The following ARB2A variants were observed in gnomAD, a reference collection of about 807,000 sequenced individuals.
ARB2A encodes cotranscriptional regulator ARB2A.
At chr5:94,028,938 T>C in the ARB2A span, among the ~76,000 whole-genome samples, 1 of 152,164 alleles carries the variant, frequency 6.6e-6, no homozygotes, top group Non-Finnish European at 1.5e-5. Flanking sequence ...GTATTTTTAT[T>C]AGTTTTTAAA....
chr5:93,891,872 T>C, the ARB2A span, among the ~76,000 whole-genome samples: 1 of 152,182 alleles, frequency 6.6e-6, no homozygotes, highest in African/African-American at 2.4e-5. Context: ...AGGGGTGATA[T>C]GCATGTGCTC....
At chr5:93,861,119 A>G in the ARB2A span, 3 of 152,232 alleles carry the variant, frequency 2.0e-5, no homozygotes, top group Admixed American at 2.0e-4. Context: ...TATTCTTTTA[A>G]GTATTTCTTT....
At chr5:94,106,063 C>A in the ARB2A span, among the ~76,000 whole-genome samples, 1 of 151,786 alleles carries the variant, frequency 6.6e-6, no homozygotes, top group Admixed American at 6.6e-5. Context: ...CATTCTGAAT[C>A]TAGGCCCTGG....
At chr5:93,617,831 T>C in the ARB2A span, among the ~76,000 whole-genome samples, 134 of 152,306 alleles carry the variant, frequency 8.8e-4, no homozygotes, top group African/African-American at 3.1e-3. Flanking sequence ...ATATTTTAGA[T>C]ATTAAAAACA....
the ARB2A span, among the ~76,000 whole-genome samples, chr5:94,016,224 G>C: frequency 1.3e-5 from 2 of 152,146 alleles, no homozygotes; most frequent in South Asian, 4.1e-4. Context: ...GGTCAATTCA[G>C]CAAAAGGAGA....
the ARB2A span, among the ~76,000 whole-genome samples, chr5:94,087,770 T>C: frequency 6.6e-6 from 1 of 152,230 alleles, no homozygotes; most frequent in Non-Finnish European, 1.5e-5. Flanking sequence ...TCTATGTTTA[T>C]ATACGTTTAA....
chr5:94,106,010 A>C, the ARB2A span, among the ~76,000 whole-genome samples: 2 of 152,120 alleles, frequency 1.3e-5, no homozygotes, highest in East Asian at 3.9e-4. Flanking sequence ...TTACATGTAA[A>C]GCCTTAAACT....
chr5:94,020,920 T>C, the ARB2A span, among the ~76,000 whole-genome samples: 1 of 152,062 alleles, frequency 6.6e-6, no homozygotes, highest in South Asian at 2.1e-4. Flanking sequence ...AGCAACATAG[T>C]GCATCCTGTT....
the ARB2A span, among the ~76,000 whole-genome samples, chr5:93,771,783 A>ATG: frequency 9.2e-5 from 14 of 152,202 alleles, no homozygotes; most frequent in Admixed American, 9.2e-4. Context: ...TTAGAATGGC[A>ATG]ATCATTAAAA....
chr5:93,856,545 C>CT, the ARB2A span, among the ~76,000 whole-genome samples: 1 of 152,200 alleles, frequency 6.6e-6, no homozygotes, highest in Non-Finnish European at 1.5e-5. Context: ...TCTTCCATCA[C>CT]TGATAGCCTT....
chr5:93,932,841 T>C, the ARB2A span, among the ~76,000 whole-genome samples: 18 of 152,214 alleles, frequency 1.2e-4, no homozygotes, highest in African/African-American at 3.6e-4. Flanking sequence ...TATCCTTTAG[T>C]TGGAAACACA....
At chr5:94,086,874 CA>C in the ARB2A span, among the ~76,000 whole-genome samples, 1 of 152,102 alleles carries the variant, frequency 6.6e-6, no homozygotes, top group Non-Finnish European at 1.5e-5. Flanking sequence ...TTTTACTACA[CA>C]ATACTTTTCA....
At chr5:93,705,609 ATG>A in the ARB2A span, among the ~76,000 whole-genome samples, 3,560 of 128,696 alleles carry the variant, frequency 0.028, 58 homozygotes, top group South Asian at 0.098. Flanking sequence ...TTGGGAAAAA[ATG>A]TGTGTGTGTG....
At chr5:93,882,132 G>A in the ARB2A span, among the ~76,000 whole-genome samples, 97 of 150,908 alleles carry the variant, frequency 6.4e-4, no homozygotes, top group Admixed American at 9.3e-4. Flanking sequence ...CTTTACAATG[G>A]CCCTTTCAAG....
the ARB2A span, among the ~76,000 whole-genome samples, chr5:93,642,482 T>C: frequency 1.3e-5 from 2 of 152,026 alleles, no homozygotes; most frequent in Non-Finnish European, 2.9e-5. Flanking sequence ...AGTGATTCTC[T>C]TACCTCAGCC....
chr5:94,106,892 A>T, the ARB2A span, among the ~76,000 whole-genome samples: 1 of 149,026 alleles, frequency 6.7e-6, no homozygotes, highest in Non-Finnish European at 1.5e-5. Context: ...AAAAAAAAAA[A>T]CAAATACCAC....
chr5:93,638,618 G>A, the ARB2A span, among the ~76,000 whole-genome samples: 1 of 151,016 alleles, frequency 6.6e-6, no homozygotes, highest in Non-Finnish European at 1.5e-5. Flanking sequence ...TGCGAGACCA[G>A]CCTGACCAAC....
the ARB2A span, among the ~76,000 whole-genome samples, chr5:93,701,841 G>T: frequency 3.9e-5 from 6 of 152,004 alleles, no homozygotes; most frequent in Non-Finnish European, 7.4e-5. Flanking sequence ...ATATCACATG[G>T]CTTACTTGCC....
chr5:94,088,948 C>G, the ARB2A span, among the ~76,000 whole-genome samples: 1 of 152,118 alleles, frequency 6.6e-6, no homozygotes, highest in Non-Finnish European at 1.5e-5. Flanking sequence ...AAGAAAGTTT[C>G]CCACAGACGG....
Sources: gnomAD v4.1 joint callset for allele counts (sites outside exome capture counted in the v4.1 genomes callset) on GRCh38, gnomAD v4.1.1 for gene constraint, MANE v1.5 for transcripts, NCBI Gene and HGNC (gene_info 2026-07-23, HGNC 2026-07-21) for gene names.